The following KCNH8 variants were observed in gnomAD, a reference collection of about 807,000 sequenced individuals.
KCNH8 encodes voltage-gated delayed rectifier potassium channel KCNH8.
A neutral mutation model predicts 103.6 loss-of-function variants in KCNH8; 70 were observed. The ratio of observed to expected loss-of-function variants is 0.68; its 90% confidence interval spans 0.56 to 0.82. The LOEUF (loss-of-function observed/expected upper bound fraction) is 0.82. Ranked by LOEUF, KCNH8 falls within the 40% of genes least tolerant of loss-of-function variation. The pLI, the probability that KCNH8 is intolerant of heterozygous loss-of-function variation, is 0.00. For synonymous variants in KCNH8, 498 were observed against 489.4 expected, an observed-to-expected ratio of 1.02 and a Z score of -0.23; for missense variants, 1,217 against 1,329.9, an observed-to-expected ratio of 0.92 and a Z score of 1.32.
intron 11 of KCNH8, among the ~76,000 whole-genome samples, chr3:19,483,213 C>A (rs1490431190): frequency 6.6e-6 from 1 of 152,106 alleles, no homozygotes; most frequent in African/African-American, 2.4e-5. Context: ...GCCCACATAT[C>A]CAGTATAATC....
At chr3:19,158,602 C>T (rs1355872903) in intron 1 of KCNH8, among the ~76,000 whole-genome samples, 1 of 151,782 alleles carries the variant, frequency 6.6e-6, no homozygotes, top group Non-Finnish European at 1.5e-5. Flanking sequence ...AGGGAGTTCT[C>T]AATAAAACAT....
At chr3:19,476,622 C>A (rs575584219) in intron 11 of KCNH8, among the ~76,000 whole-genome samples, 16 of 152,196 alleles carry the variant, frequency 1.1e-4, no homozygotes, top group Non-Finnish European at 1.9e-4. Context: ...ACACAGATTA[C>A]CCTGCTGAAT....
At chr3:19,164,217 C>T (rs895647531) in intron 1 of KCNH8, among the ~76,000 whole-genome samples, 5 of 152,110 alleles carry the variant, frequency 3.3e-5, no homozygotes, top group African/African-American at 9.7e-5. Context: ...ACTTGAGAGA[C>T]AAGGAGCCAG....
chr3:19,314,226 G>T (rs1181542674), intron 3 of KCNH8, among the ~76,000 whole-genome samples: 1 of 151,814 alleles, frequency 6.6e-6, no homozygotes, highest in Non-Finnish European at 1.5e-5. Context: ...TTATGTAAAA[G>T]ATATGATAGT....
intron 3 of KCNH8, 41 bp from the exon 4 acceptor site, chr3:19,342,546 G>T: frequency 1.9e-6 from 3 of 1,579,874 alleles, no homozygotes; most frequent in South Asian, 1.1e-5. Flanking sequence ...GAGGTGAAAT[G>T]ATGCATGCAT....
intron 11 of KCNH8, among the ~76,000 whole-genome samples, chr3:19,496,876 T>A (rs1291252554): frequency 6.6e-6 from 1 of 152,204 alleles, no homozygotes; most frequent in Non-Finnish European, 1.5e-5. Flanking sequence ...TGGAACTCAT[T>A]ATTGGTCTGT....
intron 3 of KCNH8, among the ~76,000 whole-genome samples, chr3:19,300,205 C>T (rs1227337353): frequency 1.3e-5 from 2 of 151,238 alleles, no homozygotes; most frequent in African/African-American, 2.4e-5. Context: ...GCCAAGATTG[C>T]ACCACTGCCC....
chr3:19,279,605 TA>T (rs1409202024), intron 2 of KCNH8, among the ~76,000 whole-genome samples: 2 of 150,460 alleles, frequency 1.3e-5, no homozygotes, highest in African/African-American at 4.9e-5. Context: ...ATCATGACTC[TA>T]AAACTATTGG....
intron 7 of KCNH8, among the ~76,000 whole-genome samples, chr3:19,419,002 C>G (rs1164806745): frequency 6.6e-6 from 1 of 152,010 alleles, no homozygotes; most frequent in East Asian, 1.9e-4. Flanking sequence ...GAGATGTTAA[C>G]AAACATGGAC....
chr3:19,301,497 C>T (rs186194097), intron 3 of KCNH8, among the ~76,000 whole-genome samples: 144 of 151,762 alleles, frequency 9.5e-4, no homozygotes, highest in African/African-American at 2.6e-3. Flanking sequence ...TTAAGAAAAA[C>T]CATCTTTCAC....
chr3:19,462,851 TGGC>T (rs2067661082), intron 11 of KCNH8, among the ~76,000 whole-genome samples: 1 of 152,212 alleles, frequency 6.6e-6, no homozygotes, highest in Non-Finnish European at 1.5e-5. Context: ...GTTTCTCATA[TGGC>T]TAGCCAGTTT....
Position 19,180,087 on chromosome 3 carries a change from C to CA in KCNH8, c.76+31296dup, listed in dbSNP as rs2063436289. On this transcript the variant is annotated intron_variant, in intron 1 of 15. Transcript: ENST00000328405. The stretch of plus-strand genomic sequence containing the variant: ...TTGAACCCTCAAAACATTTAAAAGT[C>CA]AAAATCATGCTTCAGAATCAGTATT... Among the ~76,000 whole-genome samples the CA allele has an allele frequency of 2.6e-5, 4 of 152,168 alleles. No homozygotes were observed. The South Asian group carries it at 8.3e-4, about 32-fold the overall frequency.
At chr3:19,276,866 C>T (rs1156267896) in intron 2 of KCNH8, among the ~76,000 whole-genome samples, 1 of 151,972 alleles carries the variant, frequency 6.6e-6, no homozygotes, top group African/African-American at 2.4e-5. Flanking sequence ...GTATATATCC[C>T]AAAGAAAGGA....
chr3:19,148,892 G>T (rs1365304909), intron 1 of KCNH8, 97 bp downstream of exon 1: 2 of 1,105,816 alleles, frequency 1.8e-6, no homozygotes, highest in African/African-American at 3.1e-5. Context: ...TGCACCAGCG[G>T]AGTGAATTTT....
intron 2 of KCNH8, among the ~76,000 whole-genome samples, chr3:19,275,183 T>G (rs2064650330): frequency 6.6e-6 from 1 of 151,768 alleles, no homozygotes; most frequent in South Asian, 2.1e-4. Context: ...AAACCATAAT[T>G]TACAATCCAC....
intron 1 of KCNH8, among the ~76,000 whole-genome samples, chr3:19,205,294 A>G (rs938039185): frequency 2.6e-5 from 4 of 152,068 alleles, no homozygotes; most frequent in African/African-American, 7.2e-5. Context: ...GCCAAAAACT[A>G]TATTTCAATA....
At chr3:19,422,262 A>G (rs1271423728) in intron 7 of KCNH8, among the ~76,000 whole-genome samples, 1 of 152,122 alleles carries the variant, frequency 6.6e-6, no homozygotes, top group Non-Finnish European at 1.5e-5. Flanking sequence ...CCCAACTGGC[A>G]CATGTTTATT....
At chr3:19,523,282 A>G (rs1343573995) in intron 15 of KCNH8, among the ~76,000 whole-genome samples, 2 of 151,952 alleles carry the variant, frequency 1.3e-5, no homozygotes, top group East Asian at 3.9e-4. Flanking sequence ...ATGCACTATT[A>G]TCCTAAGGCT....
intron 1 of KCNH8, among the ~76,000 whole-genome samples, chr3:19,234,516 G>A (rs534228617): frequency 6.6e-6 from 1 of 152,346 alleles, no homozygotes; most frequent in East Asian, 1.9e-4. Flanking sequence ...AGGCGGGTGG[G>A]GCTGGCCGGC....
Sources: gnomAD v4.1 joint callset for allele counts (sites outside exome capture counted in the v4.1 genomes callset) on GRCh38, gnomAD v4.1.1 for gene constraint, MANE v1.5 for transcripts, NCBI Gene and HGNC (gene_info 2026-07-23, HGNC 2026-07-21) for gene names.